Variants in PTPDC1 observed in about 807,000 individuals in gnomAD.
The protein encoded by PTPDC1 is protein tyrosine phosphatase domain-containing protein 1.
Under a neutral mutation model 75.3 loss-of-function variants are expected in PTPDC1, and 53 were observed. The observed-to-expected ratio is 0.70, with a 90% CI of 0.56 to 0.88. PTPDC1 has a LOEUF of 0.88. Among genes scored for constraint, PTPDC1 ranks in the 40% least tolerant of loss-of-function variants. The pLI, the probability that PTPDC1 is intolerant of heterozygous loss-of-function variation, is 0.00. For missense variants in PTPDC1, 925 were observed against 998.6 expected (o/e 0.93, Z 0.99); for synonymous variants, 349 against 366.2 (o/e 0.95, Z 0.54).
rs1330861025 is a variant in PTPDC1 at position 94,038,241 on chromosome 9, A to G, written c.-7+7114A>G. 11 of 922,852 alleles carry G rather than the reference A, an allele frequency of 1.2e-5. No individual in the cohort carries two copies. In the East Asian group the frequency reaches 2.7e-4, roughly 23 times the overall value. The allele number at this position is 922,852 out of a possible 1,614,324, so 57.2% of individuals were successfully genotyped here. ...GATACACTGATGGAGTATTTGGAGAATCCCAAGAAGTACATCCCTGGAACA... is the reference window on the plus strand; with the variant it reads ...GATACACTGATGGAGTATTTGGAGAGTCCCAAGAAGTACATCCCTGGAACA... On this transcript the variant is annotated intron_variant, in intron 1 of 9. Transcript: ENST00000375360.
intron 1 of PTPDC1, chr9:94,038,044 GA>G: frequency 2.1e-6 from 1 of 483,806 alleles, no homozygotes; most frequent in Non-Finnish European, 3.9e-6. Context: ...GTGATGTTGA[GA>G]AGGGCAAGAA....
At chr9:94,047,901 G>A (rs933838291) in intron 1 of PTPDC1, among the ~76,000 whole-genome samples, 16 of 152,130 alleles carry the variant, frequency 1.1e-4, no homozygotes, top group African/African-American at 3.6e-4. Context: ...ACCAATTACA[G>A]GCTCTGAAAT....
intron 1 of PTPDC1, among the ~76,000 whole-genome samples, chr9:94,033,262 GT>G (rs1375444760): frequency 6.6e-6 from 1 of 152,064 alleles, no homozygotes; most frequent in Non-Finnish European, 1.5e-5. Flanking sequence ...ACATCGAAAT[GT>G]TTCTTCAGAA....
chr9:94,103,531 TC>T (rs1358356297), intron 7 of PTPDC1, among the ~76,000 whole-genome samples: 7 of 152,238 alleles, frequency 4.6e-5, no homozygotes, highest in Non-Finnish European at 8.8e-5. Context: ...TTATATTGCT[TC>T]AGGTTTTTTA....
At chr9:94,044,360 A>T (rs963118647) in intron 1 of PTPDC1, among the ~76,000 whole-genome samples, 1 of 152,206 alleles carries the variant, frequency 6.6e-6, no homozygotes, top group Non-Finnish European at 1.5e-5. Flanking sequence ...TTTTTTACAT[A>T]GGTAAATGTG....
At position 94,037,733 on chromosome 9, in the gene PTPDC1, C is replaced by A. The variant is rs372334201; in HGVS notation, c.-7+6606C>A. Reference sequence around the variant, plus strand: ...TTCCATCCTTAATTCCTGCCCCTTTCGGTCCTTAATTCCTGCCCCATTCCC... The same window carrying A: ...TTCCATCCTTAATTCCTGCCCCTTTAGGTCCTTAATTCCTGCCCCATTCCC... On this transcript the variant is annotated intron_variant, in intron 1 of 9. Coordinates refer to the PTPDC1 transcript ENST00000375360. 3.9e-5 allele frequency among the ~76,000 whole-genome samples: 6 copies of A among 152,064 alleles called. No homozygotes were observed. In the South Asian group the frequency reaches 1.2e-3, roughly 31 times the overall value.
In PTPDC1 at chr9:94,101,672, C is replaced by G. The variant is rs908572567; in HGVS notation, c.2120C>G (p.Pro707Arg). ...MWSWVEQLKE[P>R]VITKEDVDML... The stretch of plus-strand genomic sequence containing the variant: ...TCTTGGGTGGAGCAACTGAAGGAGC[C>G]TGTAATCACCAAAGAGGATGTGGAC... Residue 707 changes from proline to arginine, a missense_variant, in exon 7 of 9, where the codon CCT becomes CGT. Physicochemically the swap from Pro to Arg is moderately radical, Grantham distance 103. Coordinates refer to ENST00000620992, the MANE Select transcript of PTPDC1 (RefSeq NM_001253829.2). The G allele has an allele frequency of 3.7e-6, 6 of 1,613,770 alleles. No individual in the cohort carries two copies. The African/African-American group carries it at 8.0e-5, about 22-fold the overall frequency.
At chr9:94,095,667 T>C (rs566633362) in intron 5 of PTPDC1, among the ~76,000 whole-genome samples, 36 of 152,316 alleles carry the variant, frequency 2.4e-4, no homozygotes, top group Non-Finnish European at 3.7e-4. Flanking sequence ...GGATATTGAA[T>C]GTTCCCAACA....
At chr9:94,049,909 A>G (rs1825733856) in intron 1 of PTPDC1, among the ~76,000 whole-genome samples, 1 of 152,012 alleles carries the variant, frequency 6.6e-6, no homozygotes, top group African/African-American at 2.4e-5. Context: ...GGCTTTGTTC[A>G]TTTCTTTTTA....
At chr9:94,097,162 A>G (rs1023357894) in intron 5 of PTPDC1, among the ~76,000 whole-genome samples, 159 bp from the exon 6 acceptor site, 2 of 152,218 alleles carry the variant, frequency 1.3e-5, no homozygotes, top group Non-Finnish European at 2.9e-5. Flanking sequence ...CACCTCTACA[A>G]AAAGTCACAA....
intron 4 of PTPDC1, among the ~76,000 whole-genome samples, chr9:94,090,271 G>C (rs531631600): frequency 0.041 from 4,097 of 100,998 alleles, 493 homozygotes; most frequent in African/African-American, 0.19. Flanking sequence ...GTGTAAGGAA[G>C]GGATCCAGTT....
chr9:94,091,671 C>T (rs1049340447), intron 4 of PTPDC1, among the ~76,000 whole-genome samples: 9 of 152,272 alleles, frequency 5.9e-5, no homozygotes, highest in Non-Finnish European at 7.4e-5. Flanking sequence ...CCAGTTCCTC[C>T]TTATACCTCT....
At chr9:94,097,229 A>G in intron 5 of PTPDC1, 92 bp from the exon 6 acceptor site, 1 of 832,118 alleles carries the variant, frequency 1.2e-6, no homozygotes, top group Admixed American at 2.6e-5. Flanking sequence ...TTCTTAACAC[A>G]TATTCAAATT....
At chr9:94,093,329 C>A (rs1827402786) in intron 4 of PTPDC1, among the ~76,000 whole-genome samples, 1 of 149,354 alleles carries the variant, frequency 6.7e-6, no homozygotes, top group Non-Finnish European at 1.5e-5. Flanking sequence ...TATTTTATTT[C>A]TCCTTCACTT....
At chr9:94,088,007 A>G in intron 3 of PTPDC1, 96 bp downstream of exon 3, 1 of 1,450,326 alleles carries the variant, frequency 6.9e-7, no homozygotes, top group Non-Finnish European at 9.6e-7. Flanking sequence ...TCATTTTAAC[A>G]ATAGGCAGTG....
In PTPDC1 at chr9:94,075,254, G is replaced by A. The variant is rs530014658; in HGVS notation, c.83-9997G>A. On this transcript the variant is annotated intron_variant, in intron 2 of 9. Transcript: ENST00000375360. ...TGATCAGCCCCAAAACCACCCAGTG[G>A]GGGAATCAGAGCACCACATGGTCCT... Among the ~76,000 whole-genome samples, 8 of 152,242 alleles carry A rather than the reference G, an allele frequency of 5.3e-5. No homozygotes were observed. In the South Asian group the frequency reaches 1.2e-3, roughly 24 times the overall value.
chr9:94,053,635 T>C (rs1825849729), intron 1 of PTPDC1, among the ~76,000 whole-genome samples: 1 of 152,140 alleles, frequency 6.6e-6, no homozygotes. Flanking sequence ...GAAGGCATCC[T>C]AAAGGAGAGA....
chr9:94,038,070 A>G, intron 1 of PTPDC1: 3 of 527,890 alleles, frequency 5.7e-6, no homozygotes, highest in Non-Finnish European at 1.1e-5. Context: ...TTTGTTCAGA[A>G]GTGTGCCCAG....
upstream of PTPDC1, among the ~76,000 whole-genome samples, chr9:94,080,880 C>T (rs1235074143): frequency 1.3e-5 from 2 of 151,846 alleles, no homozygotes; most frequent in Non-Finnish European, 1.5e-5. Context: ...GGGTAATTTT[C>T]AAGAATATCT....
Sources: gnomAD v4.1 joint callset for allele counts (sites outside exome capture counted in the v4.1 genomes callset) on GRCh38, gnomAD v4.1.1 for gene constraint, MANE v1.5 for transcripts, NCBI Gene and HGNC (gene_info 2026-07-23, HGNC 2026-07-21) for gene names.